NRG1: variants seen among roughly 807,000 people sequenced by gnomAD.
NRG1 encodes the protein neuregulin 1.
NRG1 carries 18 observed loss-of-function variants against 63.8 expected under a neutral mutation model. That is an observed-to-expected ratio of 0.28 (90% CI 0.19 to 0.42). The LOEUF (loss-of-function observed/expected upper bound fraction) is 0.42, where lower values mean the gene tolerates loss of function less well. Among genes scored for constraint, NRG1 ranks in the 10% least tolerant of loss-of-function variants. The probability of loss-of-function intolerance (pLI) is 1.00; values close to 1 mark genes in which losing one functional copy is unlikely to be tolerated. For synonymous variants in NRG1, 302 were observed against 301.3 expected (o/e 1.00, Z -0.02); for missense variants, 762 against 814.7 (o/e 0.94, Z 0.79).
intron 1 of NRG1, among the ~76,000 whole-genome samples, chr8:32,519,080 A>AT (rs200066522): frequency 2.6e-5 from 4 of 151,592 alleles, no homozygotes; most frequent in Admixed American, 1.3e-4. Flanking sequence ...TAGGGTTAGA[A>AT]TTTTTTTTTA....
intron 1 of NRG1, among the ~76,000 whole-genome samples, chr8:31,769,148 A>C (rs1818370108): frequency 6.6e-6 from 1 of 152,192 alleles, no homozygotes; most frequent in South Asian, 2.1e-4. Flanking sequence ...TTGCTGAAAT[A>C]TTGTAAAGCA....
intron 5 of NRG1, among the ~76,000 whole-genome samples, chr8:32,640,084 A>G (rs1852048010): frequency 6.6e-6 from 1 of 152,226 alleles, no homozygotes; most frequent in South Asian, 2.1e-4. Flanking sequence ...CCTGAACGTA[A>G]CTGTAATAGT....
At chr8:31,870,193 T>C (rs1829353667) in intron 1 of NRG1, among the ~76,000 whole-genome samples, 1 of 151,900 alleles carries the variant, frequency 6.6e-6, no homozygotes, top group African/African-American at 2.4e-5. Flanking sequence ...AGAAGCAAGA[T>C]AAGAGGACAA....
chr8:32,108,405 C>T (rs1344062149), intron 1 of NRG1, among the ~76,000 whole-genome samples: 1 of 152,144 alleles, frequency 6.6e-6, no homozygotes, highest in Non-Finnish European at 1.5e-5. Flanking sequence ...AGTATGTTCT[C>T]ACCTGGCAGA....
At chr8:32,252,655 C>G (rs1849250772) in intron 1 of NRG1, among the ~76,000 whole-genome samples, 1 of 151,936 alleles carries the variant, frequency 6.6e-6, no homozygotes, top group African/African-American at 2.4e-5. Flanking sequence ...TTCTTTTTGC[C>G]TAGGATTGTC....
intron 1 of NRG1, among the ~76,000 whole-genome samples, chr8:31,833,893 G>A (rs897903751): frequency 1.2e-4 from 18 of 152,162 alleles, no homozygotes; most frequent in African/African-American, 3.6e-4. Context: ...TCAAGGGAAC[G>A]AGTTTCCCAA....
intron 1 of NRG1, among the ~76,000 whole-genome samples, chr8:31,671,397 T>G (rs1307030069): frequency 1.3e-5 from 2 of 152,194 alleles, no homozygotes; most frequent in Non-Finnish European, 2.9e-5. Context: ...TATACTATTG[T>G]GCAACCAATT....
At chr8:32,314,605 G>T (rs1310633735) in intron 1 of NRG1, among the ~76,000 whole-genome samples, 2 of 152,098 alleles carry the variant, frequency 1.3e-5, no homozygotes, top group Non-Finnish European at 2.9e-5. Flanking sequence ...TCATCTTGTT[G>T]GTCTTTCCAA....
intron 5 of NRG1, among the ~76,000 whole-genome samples, chr8:32,696,722 C>A (rs895418150): frequency 6.8e-6 from 1 of 147,232 alleles, no homozygotes; most frequent in Non-Finnish European, 1.5e-5. Context: ...AGTGCAATGG[C>A]GCAATCTTGA....
intron 1 of NRG1, among the ~76,000 whole-genome samples, chr8:31,755,278 C>T (rs546376256): frequency 1.3e-5 from 2 of 152,118 alleles, no homozygotes; most frequent in African/African-American, 4.8e-5. Flanking sequence ...TACCTGAGAC[C>T]CCAGTCTTGA....
At chr8:31,955,749 C>T (rs2129624386) in intron 1 of NRG1, among the ~76,000 whole-genome samples, 2 of 151,944 alleles carry the variant, frequency 1.3e-5, no homozygotes, top group East Asian at 3.9e-4. Context: ...TTTAAAAGTT[C>T]CACCTGGGCA....
At chr8:31,857,537 G>C (rs972712923) in intron 1 of NRG1, among the ~76,000 whole-genome samples, 1 of 152,134 alleles carries the variant, frequency 6.6e-6, no homozygotes, top group African/African-American at 2.4e-5. Flanking sequence ...AGATGAACCC[G>C]GTACCTCAGA....
chr8:32,074,885 A>C (rs10111427), intron 1 of NRG1, among the ~76,000 whole-genome samples: 148,032 of 152,318 alleles, frequency 0.97, 72,075 homozygotes, highest in East Asian at 1. Flanking sequence ...TGACCTAACA[A>C]ATTTAATTTT....
At chr8:32,532,450 A>G (rs910762907) in intron 1 of NRG1, among the ~76,000 whole-genome samples, 1 of 152,158 alleles carries the variant, frequency 6.6e-6, no homozygotes, top group Non-Finnish European at 1.5e-5. Context: ...AGAACAAAAC[A>G]TGTTTTCACT....
At chr8:31,662,943 T>G (rs1806149052) in intron 1 of NRG1, among the ~76,000 whole-genome samples, 1 of 152,214 alleles carries the variant, frequency 6.6e-6, no homozygotes, top group Non-Finnish European at 1.5e-5. Flanking sequence ...ACTGTCATTT[T>G]TTGGGGCCCT....
chr8:32,702,194 G>C (rs34216525), intron 5 of NRG1, among the ~76,000 whole-genome samples: 2,196 of 152,274 alleles, frequency 0.014, 22 homozygotes, highest in Non-Finnish European at 0.025. Flanking sequence ...CCTGAGTGCT[G>C]TCTTTAAGGC....
intron 1 of NRG1, among the ~76,000 whole-genome samples, chr8:31,687,567 C>A (rs1457585257): frequency 4.6e-5 from 7 of 152,156 alleles, no homozygotes; most frequent in Admixed American, 2.6e-4. Flanking sequence ...CTGCACTTAC[C>A]ATGGTAGAGT....
At chr8:32,154,332 G>A (rs551848376) in intron 1 of NRG1, among the ~76,000 whole-genome samples, 16 of 151,490 alleles carry the variant, frequency 1.1e-4, no homozygotes, top group African/African-American at 3.9e-4. Context: ...GTACCTGATG[G>A]TACCCCAGTG....
At chr8:32,251,214 C>A (rs527656194) in intron 1 of NRG1, among the ~76,000 whole-genome samples, 5 of 152,054 alleles carry the variant, frequency 3.3e-5, no homozygotes, top group Non-Finnish European at 7.4e-5. Context: ...CCGCTCCCCC[C>A]ACCCCACAAC....
Sources: gnomAD v4.1 joint callset for allele counts (sites outside exome capture counted in the v4.1 genomes callset) on GRCh38, gnomAD v4.1.1 for gene constraint, MANE v1.5 for transcripts, NCBI Gene and HGNC (gene_info 2026-07-23, HGNC 2026-07-21) for gene names.